The following SPG7 variants were observed in gnomAD, a reference collection of about 807,000 sequenced individuals.
The protein encoded by SPG7 is SPG7 matrix AAA peptidase subunit, paraplegin.
A neutral mutation model predicts 81.9 loss-of-function variants in SPG7; 103 were observed. The ratio of observed to expected loss-of-function variants is 1.26; its 90% CI spans 1.07 to 1.48. SPG7 has a LOEUF of 1.48. SPG7 is among the 40% of genes most tolerant of loss of function. The pLI is 0.00. For missense variants in SPG7, 1,241 were observed against 1,087.3 expected (o/e 1.14, Z -1.99); for synonymous variants, 534 against 444.2 (o/e 1.20, Z -2.54).
chr16:89,529,432 C>T lies in SPG7; in HGVS notation c.759-45C>T, dbSNP rs200151366. On this transcript the variant is annotated intron_variant, in intron 5 of 16. Transcript: ENST00000645818. ...CTGATTTGGAAGCCTGCGTCTGTCA[C>T]GTGACACCGTCTGAGCCTGTGCCTG... 6.4e-4 allele frequency: 852 copies of T among 1,322,664 alleles called. 3 individuals carry two copies. Among genetic ancestry groups the T allele is most frequent in the Middle Eastern group, 2.1e-3 (10 of 4,666 alleles). The allele number at this position is 1,322,664 out of a possible 1,614,324, so 81.9% of individuals were successfully genotyped here.
At chr16:89,535,087 T>C (rs2058394413) in intron 9 of SPG7, among the ~76,000 whole-genome samples, 1 of 152,212 alleles carries the variant, frequency 6.6e-6, no homozygotes, top group South Asian at 2.1e-4. Context: ...TTCAGGAATG[T>C]CATCTCTGGA....
intron 11 of SPG7, chr16:89,547,746 G>A (rs1459643648): frequency 1.1e-5 from 5 of 441,522 alleles, no homozygotes; most frequent in African/African-American, 6.0e-5. Flanking sequence ...CTGAGTAGCT[G>A]GGATTACAGG....
intron 4 of SPG7, among the ~76,000 whole-genome samples, chr16:89,525,035 C>T (rs1398942472): frequency 6.8e-6 from 1 of 147,788 alleles, no homozygotes; most frequent in Admixed American, 6.8e-5. Context: ...TGTCGGCTCA[C>T]TGCAGCCTTG....
chr16:89,522,264 C>T (rs1445576250), intron 3 of SPG7: 1 of 152,108 alleles, frequency 6.6e-6, no homozygotes, highest in Non-Finnish European at 1.5e-5. Context: ...TGTTTTTAAG[C>T]CGATTTAAAA....
At chr16:89,529,997 G>A (rs990626014) in intron 6 of SPG7, 7 of 306,292 alleles carry the variant, frequency 2.3e-5, no homozygotes, top group South Asian at 1.2e-4. Context: ...GCGCCACCAC[G>A]TCCAGCTAAT....
At chr16:89,523,353 TG>T (rs1159373513) in intron 3 of SPG7, 2 of 271,008 alleles carry the variant, frequency 7.4e-6, no homozygotes, top group African/African-American at 4.4e-5. Context: ...GAATGGTTGT[TG>T]GGTAGGGAGA....
At chr16:89,537,001 G>A in intron 9 of SPG7, 1 of 1,613,104 alleles carries the variant, frequency 6.2e-7, no homozygotes, top group South Asian at 1.1e-5. Flanking sequence ...GCCATCATAA[G>A]AATAGCTGCT....
intron 9 of SPG7, chr16:89,541,589 G>C (rs1419066335): frequency 6.5e-6 from 1 of 153,910 alleles, no homozygotes; most frequent in Non-Finnish European, 1.4e-5. Context: ...CATAGGAGTG[G>C]GGGCATCTGA....
At position 89,548,076 on chromosome 16, in the gene SPG7, T is replaced by A. The variant is rs781398870; in HGVS notation, c.1626T>A (p.Thr542=). 16 of 1,609,788 alleles carry A rather than the reference T, an allele frequency of 9.9e-6. No homozygotes were observed. In the Admixed American group the frequency reaches 1.2e-4, roughly 12 times the overall value. The stretch of plus-strand genomic sequence containing the variant: ...GGGAGGGACACACTTCCGTGCACAC[T>A]CTCAACTTCGAGTACGCCGTGGAGC... ...AAREGHTSVH[T]LNFEYAVERV... The change falls in exon 12 of 17, where the codon ACT becomes ACA. Residue 542 remains threonine (T), a synonymous_variant. Coordinates refer to ENST00000645818, the MANE Select transcript of SPG7 (RefSeq NM_003119.4).
In SPG7 at chr16:89,554,713, C is replaced by T. The variant is rs1288038154; in HGVS notation, c.2181+150C>T. 1.5e-5 allele frequency: 10 copies of T among 661,198 alleles called. 1 individual carries two copies. In the Middle Eastern group the frequency reaches 2.4e-3, roughly 155 times the overall value. The allele number at this position is 661,198 out of a possible 1,614,324, so 41.0% of individuals were successfully genotyped here. A position where few individuals can be genotyped will look rare whatever the true frequency, so the allele number is the denominator to read the frequency against. On this transcript the variant is annotated intron_variant, in intron 16 of 16. Coordinates refer to ENST00000645818, the MANE Select transcript of SPG7 (RefSeq NM_003119.4). ...TGAATTCTACCCAGCTCAACTGAAA[C>T]TTACGTGTTCCATACTTTTTATCCT...
In SPG7 at chr16:89,510,713, G is replaced by T. The variant is rs371748397; in HGVS notation, c.286+121G>T. 4.5e-5 allele frequency: 32 copies of T among 712,684 alleles called. No homozygotes were observed. The South Asian group carries it at 4.8e-4, about 11-fold the overall frequency. The allele number at this position is 712,684 out of a possible 1,614,324, so 44.1% of individuals were successfully genotyped here. On this transcript the variant is annotated intron_variant, in intron 2 of 16. Transcript: ENST00000645818. ...CTCGCCCTGTTGCACGGGCTGGAGT[G>T]CAGTACAATGGTGTGATCAGAGCTC... is the stretch of plus-strand genomic sequence containing the variant.
chr16:89,554,996 A>C (rs1597666519), intron 16 of SPG7: 1 of 188,624 alleles, frequency 5.3e-6, no homozygotes, highest in Non-Finnish European at 1.1e-5. Flanking sequence ...GCTCACTGCA[A>C]CCTCTGCCTC....
chr16:89,513,202 C>T (rs556969508), intron 3 of SPG7, among the ~76,000 whole-genome samples, 165 bp downstream of exon 3: 1 of 152,236 alleles, frequency 6.6e-6, no homozygotes, highest in South Asian at 2.1e-4. Context: ...GTGGAAGGAT[C>T]ACTTGAGGCC....
At chr16:89,530,582 CGTG>C in intron 6 of SPG7, 98 bp from the exon 7 acceptor site, 1 of 1,340,150 alleles carries the variant, frequency 7.5e-7, no homozygotes, top group South Asian at 1.2e-5. Context: ...AGGATGGAGA[CGTG>C]GGGTTGGGGC....
At position 89,553,111 on chromosome 16, in the gene SPG7, C is replaced by G. The variant is rs1345189794; in HGVS notation, c.1912C>G (p.Leu638Val). ...CCTGGGAGGACGGGCCTCGGAAGCACTGTCCTTCAACGAGGTCACTTCTGG... is the reference window on the plus strand; with the variant it reads ...CCTGGGAGGACGGGCCTCGGAAGCAGTGTCCTTCAACGAGGTCACTTCTGG... ...MALGGRASEA[L>V]SFNEVTSGAQ... The change falls in exon 14 of 17, where the codon CTG becomes GTG. Residue 638 changes from leucine (L) to valine (V), a missense_variant. Coordinates refer to ENST00000645818, the MANE Select transcript of SPG7 (RefSeq NM_003119.4). 3 of 1,611,480 alleles carry G rather than the reference C, an allele frequency of 1.9e-6. No homozygotes were observed. The highest frequency in any genetic ancestry group is 2.2e-5 in the South Asian group (2 of 90,582).
intron 9 of SPG7, chr16:89,540,223 T>G (rs2058477722): frequency 1.3e-5 from 2 of 152,346 alleles, no homozygotes; most frequent in East Asian, 1.9e-4. Context: ...TAGAATACGC[T>G]TGTTCCTATC....
At chr16:89,529,449 C>G in intron 5 of SPG7, 28 bp from the exon 6 acceptor site, 1 of 1,495,414 alleles carries the variant, frequency 6.7e-7, no homozygotes, top group Non-Finnish European at 9.3e-7. Flanking sequence ...CCGTCTGAGC[C>G]TGTGCCTGCC....
At chr16:89,552,541 A>G (rs970635381) in intron 13 of SPG7, 21 of 253,876 alleles carry the variant, frequency 8.3e-5, no homozygotes, top group Admixed American at 6.5e-4. Context: ...CTCCTTGCAC[A>G]CCTGATGTGG....
At chr16:89,540,745 A>G (rs756785069) in intron 9 of SPG7, 43 of 287,664 alleles carry the variant, frequency 1.5e-4, no homozygotes, top group Non-Finnish European at 2.2e-4. Flanking sequence ...TGTGCTCACC[A>G]TGTGACCCCG....
Sources: allele counts gnomAD v4.1 joint callset (sites outside exome capture counted in the v4.1 genomes callset), GRCh38; gene constraint gnomAD v4.1.1; transcripts MANE v1.5; gene names NCBI Gene and HGNC (gene_info 2026-07-23, HGNC 2026-07-21).